The following CCSER1 variants were observed in gnomAD, a reference collection of about 807,000 sequenced individuals.
CCSER1 encodes the protein coiled-coil serine rich protein 1, also known as serine-rich coiled-coil domain-containing protein 1.
Under a neutral mutation model 82.0 loss-of-function variants are expected in CCSER1, and 41 were observed. The ratio of observed to expected loss-of-function variants is 0.50; its 90% CI spans 0.39 to 0.65. CCSER1 has a LOEUF of 0.65. Ranked by LOEUF, CCSER1 falls within the 30% of genes least tolerant of loss-of-function variation. The probability of loss-of-function intolerance (pLI) is 0.00; values close to 1 mark genes in which losing one functional copy is unlikely to be tolerated. For synonymous variants in CCSER1, 414 were observed against 383.9 expected, an observed-to-expected ratio of 1.08 and a Z score of -0.92; for missense variants, 1,119 against 1,064.2, an observed-to-expected ratio of 1.05 and a Z score of -0.72.
intron 9 of CCSER1, among the ~76,000 whole-genome samples, chr4:91,052,665 T>G (rs60959236): frequency 0.014 from 2,085 of 152,258 alleles, 50 homozygotes; most frequent in African/African-American, 0.046. Context: ...AACCTGTATC[T>G]CTATCTGTCT....
chr4:90,867,360 G>A (rs1007879759), intron 8 of CCSER1, among the ~76,000 whole-genome samples: 13 of 151,898 alleles, frequency 8.6e-5, no homozygotes, highest in African/African-American at 2.2e-4. Flanking sequence ...ATATTTAACC[G>A]CATTCAATTT....
chr4:90,136,593 C>G (rs1334487527), intron 1 of CCSER1, among the ~76,000 whole-genome samples: 2 of 152,170 alleles, frequency 1.3e-5, no homozygotes, highest in Non-Finnish European at 2.9e-5. Flanking sequence ...AAACCTACAT[C>G]ATGTTTACAA....
intron 10 of CCSER1, among the ~76,000 whole-genome samples, chr4:91,546,545 CTTTA>C (rs1359143327): frequency 1.3e-5 from 2 of 151,652 alleles, no homozygotes; most frequent in East Asian, 4.1e-4. Flanking sequence ...CCTAATATTT[CTTTA>C]TTATCATTGT....
chr4:91,510,750 A>G (rs1467456007), intron 10 of CCSER1, among the ~76,000 whole-genome samples: 4 of 152,114 alleles, frequency 2.6e-5, no homozygotes, highest in African/African-American at 4.8e-5. Flanking sequence ...TCGTTTGCAA[A>G]TATTTTCTCC....
chr4:90,933,006 A>AGAGAGAGAGAGAGAG (rs1730302096), intron 9 of CCSER1, among the ~76,000 whole-genome samples: 1 of 80,158 alleles, frequency 1.2e-5, no homozygotes, highest in Non-Finnish European at 2.2e-5. Flanking sequence ...GAAAGAAAGA[A>AGAGAGAGAGAGAGAG]AGAAAGAAAG....
At chr4:90,361,580 G>C (rs1020816129) in intron 3 of CCSER1, among the ~76,000 whole-genome samples, 1 of 152,120 alleles carries the variant, frequency 6.6e-6, no homozygotes, top group Non-Finnish European at 1.5e-5. Context: ...CTGAAGTTTA[G>C]GGTGCAATTG....
chr4:90,207,169 G>T (rs983100794), intron 1 of CCSER1, among the ~76,000 whole-genome samples: 1 of 151,966 alleles, frequency 6.6e-6, no homozygotes, highest in Non-Finnish European at 1.5e-5. Flanking sequence ...TTTAATTGGG[G>T]CATTTAGCCT....
intron 8 of CCSER1, among the ~76,000 whole-genome samples, chr4:90,915,033 A>C (rs887648747): frequency 6.6e-6 from 1 of 152,190 alleles, no homozygotes; most frequent in Non-Finnish European, 1.5e-5. Flanking sequence ...ATAGCATACT[A>C]ACCAAAAAAA....
At chr4:91,321,850 A>C (rs987095803) in intron 10 of CCSER1, among the ~76,000 whole-genome samples, 1 of 151,948 alleles carries the variant, frequency 6.6e-6, no homozygotes, top group Admixed American at 6.6e-5. Context: ...TTTATATTTT[A>C]CTCTCTTATC....
chr4:90,371,869 C>G (rs1747491587), intron 3 of CCSER1, among the ~76,000 whole-genome samples: 1 of 151,966 alleles, frequency 6.6e-6, no homozygotes, highest in Non-Finnish European at 1.5e-5. Flanking sequence ...TGTGGGTGGC[C>G]TCAAAAATAT....
Position 90,933,020 on chromosome 4 carries a change from G to GAAAC in CCSER1, c.2172+9576_2172+9577insCAAA, listed in dbSNP as rs1298578091. ...AGAAAGAAAGAAAGAAAGAAAGAAA[G>GAAAC]AAAGAAAGAAAGAAAGAAAGAAAGA... On this transcript the variant is annotated intron_variant, in intron 9 of 10. Coordinates refer to ENST00000509176, the MANE Select transcript of CCSER1 (RefSeq NM_001145065.2). Among the ~76,000 whole-genome samples the GAAAC allele has an allele frequency of 2.3e-5, 2 of 87,108 alleles. 1 individual carries two copies. The highest frequency in any genetic ancestry group is 1.3e-4 in the African/African-American group (2 of 15,196). 57.1% of individuals were successfully genotyped at this position (87,108 alleles called of 152,430 possible).
intron 1 of CCSER1, among the ~76,000 whole-genome samples, chr4:90,303,347 A>G (rs1425383705): frequency 6.6e-6 from 1 of 152,166 alleles, no homozygotes; most frequent in Non-Finnish European, 1.5e-5. Flanking sequence ...CGCCAAGTCA[A>G]TCCTAAGCCA....
chr4:91,592,907 T>C (rs1207819004), intron 10 of CCSER1, among the ~76,000 whole-genome samples: 1 of 152,166 alleles, frequency 6.6e-6, no homozygotes, highest in African/African-American at 2.4e-5. Flanking sequence ...AGAGTTCTTA[T>C]GTATGCAAGC....
intron 10 of CCSER1, among the ~76,000 whole-genome samples, chr4:91,212,805 T>A (rs1736926099): frequency 6.6e-6 from 1 of 152,242 alleles, no homozygotes; most frequent in Non-Finnish European, 1.5e-5. Context: ...TGAATGATGC[T>A]GAGGTTTGGG....
At position 90,932,971 on chromosome 4, in the gene CCSER1, A is replaced by AG. The variant is rs1491441171; in HGVS notation, c.2172+9524_2172+9525insG. Among the ~76,000 whole-genome samples, 25 of 42,534 alleles carry AG rather than the reference A, an allele frequency of 5.9e-4. 6 individuals carry two copies. Among genetic ancestry groups the AG allele is most frequent in the East Asian group, 2.0e-3 (4 of 2,004 alleles). 27.9% of individuals were successfully genotyped at this position (42,534 alleles called of 152,430 possible). A position where few individuals can be genotyped will look rare whatever the true frequency, so the allele number is the denominator to read the frequency against. The stretch of plus-strand genomic sequence containing the variant: ...GAAAGAAAGAAAGAAAGAAAGAAAG[A>AG]AAGAAAGAAAGAGAAAGAAAGAAAG... On this transcript the variant is annotated intron_variant, in intron 9 of 10. Coordinates refer to ENST00000509176, the MANE Select transcript of CCSER1 (RefSeq NM_001145065.2).
intron 10 of CCSER1, among the ~76,000 whole-genome samples, chr4:91,244,904 C>A (rs965819983): frequency 6.6e-6 from 1 of 152,048 alleles, no homozygotes; most frequent in Non-Finnish European, 1.5e-5. Flanking sequence ...GAGAAAATTT[C>A]AGTATCCTAT....
intron 10 of CCSER1, among the ~76,000 whole-genome samples, chr4:91,278,299 T>C (rs1742635319): frequency 6.6e-6 from 1 of 152,120 alleles, no homozygotes; most frequent in Admixed American, 6.5e-5. Flanking sequence ...ATTACTATTA[T>C]TGTATTGGAA....
intron 10 of CCSER1, among the ~76,000 whole-genome samples, chr4:91,314,428 A>G (rs1010130995): frequency 2.0e-5 from 3 of 152,014 alleles, no homozygotes; most frequent in Admixed American, 6.6e-5. Flanking sequence ...TCTAAAATGC[A>G]AACTATATGT....
intron 9 of CCSER1, among the ~76,000 whole-genome samples, chr4:91,001,536 C>A (rs926642525): frequency 6.6e-6 from 1 of 152,170 alleles, no homozygotes; most frequent in East Asian, 1.9e-4. Context: ...TTGTCTTCTG[C>A]ACCTCATATT....
Sources: gnomAD v4.1 joint callset for allele counts (sites outside exome capture counted in the v4.1 genomes callset) on GRCh38, gnomAD v4.1.1 for gene constraint, MANE v1.5 for transcripts, NCBI Gene and HGNC (gene_info 2026-07-23, HGNC 2026-07-21) for gene names.